SPICE1: variants seen among roughly 807,000 people sequenced by gnomAD.
SPICE1 encodes spindle and centriole-associated protein 1.
In SPICE1, 75 loss-of-function variants were observed where a neutral mutation model predicts 102.7. The observed-to-expected ratio is 0.73, with a 90% CI of 0.61 to 0.88. The LOEUF (loss-of-function observed/expected upper bound fraction) is 0.88. Among genes scored for constraint, SPICE1 ranks in the 40% least tolerant of loss-of-function variants. The pLI, the probability that SPICE1 is intolerant of heterozygous loss-of-function variation, is 0.00. For synonymous variants in SPICE1, 308 were observed against 350.3 expected (o/e 0.88, Z 1.35); for missense variants, 979 against 1,020.1 (o/e 0.96, Z 0.55).
At chr3:113,450,781 T>C (rs2107443289) in intron 14 of SPICE1, among the ~76,000 whole-genome samples, 1 of 152,246 alleles carries the variant, frequency 6.6e-6, no homozygotes, top group East Asian at 1.9e-4. Flanking sequence ...TTTCACCGTG[T>C]TAGCCAGGAT....
In SPICE1 at chr3:113,493,198, C is replaced by T; in HGVS notation, c.492+8G>A. 3.2e-6 allele frequency: 5 copies of T among 1,574,520 alleles called. No individual in the cohort carries two copies. Among genetic ancestry groups the T allele is most frequent in the Non-Finnish European group, 4.3e-6 (5 of 1,159,024 alleles). On this transcript the variant is annotated splice_region_variant and intron_variant, in intron 6 of 17. Coordinates refer to ENST00000295872, the MANE Select transcript of SPICE1 (RefSeq NM_144718.4). ...ATGAGTGTTATAGCTGTGAGTGGAA[C>T]ACATTACCTGAGGTTCTATGACAGA...
Position 113,493,248 on chromosome 3 carries a change from AGGGTCTT to A in SPICE1, c.443_449del (p.Gln148LeufsTer12). ...ACTCATTAAAGATAGATTGGGTGAT[AGGGTCTT>A]GATTTACCACAATGGGACCCTGAGA... On this transcript the variant is annotated frameshift_variant, in exon 6 of 18. Coordinates refer to ENST00000295872, the MANE Select transcript of SPICE1 (RefSeq NM_144718.4). LOFTEE classifies it high-confidence loss of function. 6.2e-7 allele frequency: 1 copy of A among 1,612,784 alleles called. No homozygotes were observed. Among genetic ancestry groups the A allele is most frequent in the East Asian group, 2.2e-5 (1 of 44,846 alleles).
chr3:113,471,776 C>G (rs1936204350), intron 7 of SPICE1, among the ~76,000 whole-genome samples: 1 of 149,940 alleles, frequency 6.7e-6, no homozygotes, highest in Non-Finnish European at 1.5e-5. Context: ...CTTATTAAAA[C>G]AAAAAAAAAA....
Position 113,468,621 on chromosome 3 carries a change from C to T in SPICE1, c.889+141G>A, listed in dbSNP as rs1019198187. ...TTCCAGAGTTACATGTGGTAGGAGA[C>T]ATTTCTTAGCTACCATTCAATAAAC... On this transcript the variant is annotated intron_variant, in intron 9 of 17. Transcript: ENST00000295872. 4.1e-5 allele frequency: 45 copies of T among 1,095,236 alleles called. No homozygotes were observed. In the African/African-American group the frequency reaches 6.5e-4, roughly 16 times the overall value. 67.8% of individuals were successfully genotyped at this position (1,095,236 alleles called of 1,614,324 possible).
chr3:113,456,517 G>A (rs1935782021), intron 13 of SPICE1, among the ~76,000 whole-genome samples: 1 of 152,102 alleles, frequency 6.6e-6, no homozygotes, highest in Non-Finnish European at 1.5e-5. Flanking sequence ...GGTAGTCCAT[G>A]GAACTTCTGA....
chr3:113,487,550 G>C (rs910100163), intron 7 of SPICE1, among the ~76,000 whole-genome samples: 4 of 152,050 alleles, frequency 2.6e-5, no homozygotes, highest in African/African-American at 9.7e-5. Flanking sequence ...TTAATAAAAT[G>C]AGCTAAGGAT....
intron 6 of SPICE1, among the ~76,000 whole-genome samples, chr3:113,490,706 C>T (rs996613431): frequency 2.0e-5 from 3 of 152,178 alleles, no homozygotes; most frequent in African/African-American, 7.2e-5. Flanking sequence ...AGCCCTCCAA[C>T]CATTCTTCCA....
chr3:113,446,925 C>T (rs1416409743), intron 16 of SPICE1, among the ~76,000 whole-genome samples: 1 of 152,110 alleles, frequency 6.6e-6, no homozygotes, highest in Admixed American at 6.5e-5. Context: ...TCCCAGAATT[C>T]GCCCATGTTG....
chr3:113,451,340 T>A (rs977429860), intron 14 of SPICE1, among the ~76,000 whole-genome samples: 1 of 152,184 alleles, frequency 6.6e-6, no homozygotes, highest in Non-Finnish European at 1.5e-5. Context: ...CAAATGTGCT[T>A]ATGTCATTCC....
At position 113,453,564 on chromosome 3, in the gene SPICE1, T is replaced by C. The variant is rs1318057185; in HGVS notation, c.2044A>G (p.Ile682Val). 1.2e-6 allele frequency: 2 copies of C among 1,614,134 alleles called. No homozygotes were observed. The highest frequency in any genetic ancestry group is 1.7e-6 in the Non-Finnish European group (2 of 1,180,048). The stretch of plus-strand genomic sequence containing the variant: ...ATAATATTATTCATATGTGCCTTGA[T>C]AGCTGAATTCTGCAATGTCAAATCA... ...IADLTLQNSA[I>V]KAHMNNIIEP... is the part of the protein sequence containing the mutation. Residue 682 changes from isoleucine (I) to valine (V), a missense_variant, in exon 14 of 18, where the codon ATC becomes GTC. By Grantham distance (29) the Ile-to-Val change is conservative. Transcript: ENST00000295872.
At chr3:113,474,329 T>A (rs980958890) in intron 7 of SPICE1, among the ~76,000 whole-genome samples, 1 of 152,062 alleles carries the variant, frequency 6.6e-6, no homozygotes, top group African/African-American at 2.4e-5. Flanking sequence ...CTCCCACACC[T>A]TAATAATGGG....
At chr3:113,483,189 T>C (rs2107483849) in intron 7 of SPICE1, among the ~76,000 whole-genome samples, 1 of 152,348 alleles carries the variant, frequency 6.6e-6, no homozygotes, top group Middle Eastern at 3.4e-3. Context: ...AGTTCACTCA[T>C]GATTTGGCTC....
chr3:113,488,306 A>C (rs1300057980), intron 7 of SPICE1, among the ~76,000 whole-genome samples: 1 of 152,198 alleles, frequency 6.6e-6, no homozygotes, highest in African/African-American at 2.4e-5. Flanking sequence ...TAGTTCTTTA[A>C]AAATGTATGT....
Position 113,445,264 on chromosome 3 carries a change from G to A in SPICE1, c.*43C>T, listed in dbSNP as rs773192205. On this transcript the variant is annotated 3_prime_UTR_variant, in exon 18 of 18. Coordinates refer to ENST00000295872, the MANE Select transcript of SPICE1 (RefSeq NM_144718.4). The stretch of plus-strand genomic sequence containing the variant: ...TAAAAGTCAGAGCAGGGAAAGGGAA[G>A]TAATAAATTATTAAGAACAAACTCA... 5 of 1,527,912 alleles carry A rather than the reference G, an allele frequency of 3.3e-6. No homozygotes were observed. The highest frequency in any genetic ancestry group is 4.5e-6 in the Non-Finnish European group (5 of 1,110,392). The allele number at this position is 1,527,912 out of a possible 1,614,324, so 94.6% of individuals were successfully genotyped here. A position where few individuals can be genotyped will look rare whatever the true frequency, so the allele number is the denominator to read the frequency against.
At chr3:113,509,641 G>A (rs1002879306) in intron 1 of SPICE1, among the ~76,000 whole-genome samples, 2 of 152,182 alleles carry the variant, frequency 1.3e-5, no homozygotes, top group Non-Finnish European at 2.9e-5. Context: ...TCACATCCCA[G>A]CTTTTTCACT....
rs1222186635 is a variant in SPICE1 at position 113,443,506 on chromosome 3, T to C, written c.*1801A>G. On this transcript the variant is annotated 3_prime_UTR_variant, in exon 18 of 18. Coordinates refer to ENST00000295872, the MANE Select transcript of SPICE1 (RefSeq NM_144718.4). The stretch of plus-strand genomic sequence containing the variant: ...GCTGGGAGAGGAGGAAGCATTTACA[T>C]ACCTCTAACTGATAGGTCTACTATG... 6.6e-6 allele frequency: 1 copy of C among 152,236 alleles called. No individual in the cohort carries two copies. The highest frequency in any genetic ancestry group is 1.5e-5 in the Non-Finnish European group (1 of 68,052). The allele number at this position is 152,236 out of a possible 1,614,324, so 9.4% of individuals were successfully genotyped here. A position where few individuals can be genotyped will look rare whatever the true frequency, so the allele number is the denominator to read the frequency against.
intron 7 of SPICE1, among the ~76,000 whole-genome samples, chr3:113,469,873 C>T (rs1447033882): frequency 6.6e-6 from 1 of 152,078 alleles, no homozygotes; most frequent in Non-Finnish European, 1.5e-5. Context: ...ATGGCTCAGC[C>T]CCTTTTGGTT....
intron 7 of SPICE1, 134 bp from the exon 8 acceptor site, chr3:113,469,372 T>A: frequency 9.9e-6 from 2 of 202,338 alleles, no homozygotes; most frequent in Non-Finnish European, 8.7e-6. Context: ...ATTTATATAA[T>A]TATAAATTTA....
At position 113,515,109 on chromosome 3, in the gene SPICE1, C is replaced by T. The variant is rs1937298404; in HGVS notation, c.-213G>A. ...CAGTCGGTCCCGACTGCCGCCGCCA[C>T]CGCAGCTAAAACTTCAGGCGCCGGA... On this transcript the variant is annotated 5_prime_UTR_variant, in exon 1 of 18. The change creates a new upstream start codon in the 5' untranslated region. Transcript: ENST00000295872. 6.0e-6 allele frequency: 1 copy of T among 166,444 alleles called. No homozygotes were observed. Among genetic ancestry groups the T allele is most frequent in the African/African-American group, 2.4e-5 (1 of 41,570 alleles). The allele number at this position is 166,444 out of a possible 1,614,324, so 10.3% of individuals were successfully genotyped here.
Sources: allele counts gnomAD v4.1 joint callset (sites outside exome capture counted in the v4.1 genomes callset), GRCh38; gene constraint gnomAD v4.1.1; transcripts MANE v1.5; gene names NCBI Gene and HGNC (gene_info 2026-07-23, HGNC 2026-07-21).